The following ERAP1 variants were observed in gnomAD, a reference collection of about 807,000 sequenced individuals.
ERAP1 encodes the protein endoplasmic reticulum aminopeptidase 1.
ERAP1 carries 86 observed loss-of-function variants against 103.7 expected under a neutral mutation model. The ratio of observed to expected loss-of-function variants is 0.83; its 90% CI spans 0.70 to 0.99. ERAP1 has a LOEUF of 0.99. Ranked by LOEUF, ERAP1 falls within the 50% of genes least tolerant of loss-of-function variation. The pLI, the probability that ERAP1 is intolerant of heterozygous loss-of-function variation, is 0.00. For synonymous variants in ERAP1, 398 were observed against 402.4 expected, an observed-to-expected ratio of 0.99 and a Z score of 0.13; for missense variants, 1,009 against 1,128.4, an observed-to-expected ratio of 0.89 and a Z score of 1.52.
the ERAP1 span, chr5:96,892,239 C>A: frequency 1.3e-6 from 2 of 1,564,992 alleles, no homozygotes; most frequent in Non-Finnish European, 1.8e-6. Flanking sequence ...GAGCAGAGAG[C>A]AAATTCTATT....
chr5:96,806,693 G>A (rs1300434242), intron 1 of ERAP1, among the ~76,000 whole-genome samples: 6 of 145,818 alleles, frequency 4.1e-5, no homozygotes, highest in Non-Finnish European at 7.4e-5. Flanking sequence ...GCAGTGGTGC[G>A]ATCTTGGCTC....
chr5:96,797,525 T>C (rs1777480423), intron 3 of ERAP1, among the ~76,000 whole-genome samples: 1 of 152,086 alleles, frequency 6.6e-6, no homozygotes, highest in African/African-American at 2.4e-5. Flanking sequence ...AAATTAGTCC[T>C]GCTGGTGGTG....
At chr5:96,823,407 C>T in the ERAP1 span, among the ~76,000 whole-genome samples, 1 of 152,206 alleles carries the variant, frequency 6.6e-6, no homozygotes, top group Non-Finnish European at 1.5e-5. Context: ...CCATCCTCCT[C>T]ATTCGAGTCC....
chr5:96,836,982 A>C, the ERAP1 span, among the ~76,000 whole-genome samples: 1 of 152,224 alleles, frequency 6.6e-6, no homozygotes, highest in Non-Finnish European at 1.5e-5. Context: ...ATTTTCATAC[A>C]TATTTCTGTT....
At chr5:96,837,405 C>T in the ERAP1 span, among the ~76,000 whole-genome samples, 1 of 152,192 alleles carries the variant, frequency 6.6e-6, no homozygotes, top group Non-Finnish European at 1.5e-5. Context: ...GAAATTTCCC[C>T]GACCCCTTCG....
downstream of ERAP1, chr5:96,770,375 G>A (rs537485706): frequency 1.6e-4 from 92 of 578,620 alleles, no homozygotes; most frequent in African/African-American, 1.5e-3. Flanking sequence ...CTCTGACACC[G>A]TTGTTCAAAA....
At chr5:96,788,993 G>A (rs1776417225) in intron 10 of ERAP1, among the ~76,000 whole-genome samples, 1 of 152,152 alleles carries the variant, frequency 6.6e-6, no homozygotes. Flanking sequence ...AATGAATGAA[G>A]GAAGAGAAGG....
the ERAP1 span, among the ~76,000 whole-genome samples, chr5:96,861,919 A>C: frequency 6.6e-6 from 1 of 152,208 alleles, no homozygotes; most frequent in Non-Finnish European, 1.5e-5. Context: ...AATAAACTTG[A>C]AATTTAAAGC....
In ERAP1 at chr5:96,784,075, C is replaced by T. The variant is rs758706993; in HGVS notation, c.1949G>A (p.Gly650Glu). The T allele has an allele frequency of 9.9e-6, 16 of 1,613,888 alleles. No individual in the cohort carries two copies. In the South Asian group the frequency reaches 1.8e-4, roughly 18 times the overall value. ...INNAFQLVSI[G>E]KLSIEKALDL... Reference sequence around the variant, plus strand: ...CAAGGCCTTTTCAATGGACAGCTTCCCAATGCTGACCAAGAGACACTGTGG... The same window carrying T: ...CAAGGCCTTTTCAATGGACAGCTTCTCAATGCTGACCAAGAGACACTGTGG... The change falls in exon 14 of 19, where the codon GGG becomes GAG. Residue 650 changes from glycine (G) to glutamate (E), a missense_variant. This residue lies in a region of ERAP1 where 611 missense variants were observed against 651.7 expected (regional missense o/e 0.94). Transcript: ENST00000443439.
At chr5:96,908,849 G>A in the ERAP1 span, 2 of 1,124,406 alleles carry the variant, frequency 1.8e-6, no homozygotes, top group South Asian at 1.6e-5. Flanking sequence ...GAATGGCCCA[G>A]CTATAATGAC....
chr5:96,880,128 T>G, the ERAP1 span: 1 of 1,613,992 alleles, frequency 6.2e-7, no homozygotes, highest in South Asian at 1.1e-5. Flanking sequence ...CATGAACAAA[T>G]TGCACTGCTG....
At chr5:96,889,050 T>G in the ERAP1 span, 1 of 1,060,826 alleles carries the variant, frequency 9.4e-7, no homozygotes, top group Admixed American at 2.7e-5. Context: ...TTATCCTTAT[T>G]GACAACATGC....
the ERAP1 span, chr5:96,909,911 A>G: frequency 3.7e-5 from 27 of 720,694 alleles, no homozygotes; most frequent in Non-Finnish European, 5.4e-5. Context: ...ATGCTCTCAC[A>G]TTGTAAGTGC....
chr5:96,838,810 A>AAC, the ERAP1 span, among the ~76,000 whole-genome samples: 5,118 of 150,168 alleles, frequency 0.034, 207 homozygotes, highest in African/African-American at 0.095. Flanking sequence ...ACTTGTCTCT[A>AAC]ACACACACAC....
Position 96,775,658 on chromosome 5 carries a change from T to A in ERAP1, c.*738A>T. 3.7e-6 allele frequency: 1 copy of A among 272,626 alleles called. No individual in the cohort carries two copies. The highest frequency in any genetic ancestry group is 5.6e-6 in the Non-Finnish European group (1 of 178,548). The allele number at this position is 272,626 out of a possible 1,614,324, so 16.9% of individuals were successfully genotyped here. On this transcript the variant is annotated 3_prime_UTR_variant, in exon 19 of 19. Transcript: ENST00000443439. ...GCCAGACTCCCACTGAGGCCACTAA[T>A]CCTGAAGGGATGAGGAGGGAGCAGT...
intron 3 of ERAP1, among the ~76,000 whole-genome samples, 159 bp from the exon 4 acceptor site, chr5:96,797,468 C>G (rs1233575913): frequency 6.6e-6 from 1 of 152,076 alleles, no homozygotes; most frequent in Non-Finnish European, 1.5e-5. Context: ...AGTTTGCGAC[C>G]AGCCTAAGCA....
At chr5:96,832,907 G>T in the ERAP1 span, among the ~76,000 whole-genome samples, 4 of 152,222 alleles carry the variant, frequency 2.6e-5, no homozygotes, top group African/African-American at 9.6e-5. Flanking sequence ...AGAAGATGGG[G>T]CCTTTGAGAC....
chr5:96,767,179 G>A (rs776694419), intron 19 of ERAP1, among the ~76,000 whole-genome samples: 90 of 152,282 alleles, frequency 5.9e-4, no homozygotes, highest in Admixed American at 9.8e-4. Flanking sequence ...ATGGCAGAAG[G>A]TTCACAAATA....
At chr5:96,913,188 TA>T in the ERAP1 span, 3 of 697,144 alleles carry the variant, frequency 4.3e-6, no homozygotes, top group South Asian at 5.0e-5. Context: ...ATTGAAACAT[TA>T]AAAAATTGGT....
Sources: gnomAD v4.1 joint callset for allele counts (sites outside exome capture counted in the v4.1 genomes callset) on GRCh38, gnomAD v4.1.1 for gene constraint, gnomAD v4.1.1 regional missense constraint, MANE v1.5 for transcripts, NCBI Gene and HGNC (gene_info 2026-07-23, HGNC 2026-07-21) for gene names.